The following MYO5C variants were observed in gnomAD, a reference collection of about 807,000 sequenced individuals.
MYO5C encodes unconventional myosin-Vc.
A neutral mutation model predicts 235.7 loss-of-function variants in MYO5C; 194 were observed. That is an observed-to-expected ratio of 0.82 (90% CI 0.73 to 0.93). The LOEUF (loss-of-function observed/expected upper bound fraction) is 0.93. Among genes scored for constraint, MYO5C ranks in the 40% least tolerant of loss-of-function variants. MYO5C has a pLI of 0.00. For synonymous variants in MYO5C, 707 were observed against 754.8 expected (o/e 0.94, Z 1.04); for missense variants, 2,038 against 2,127.2 (o/e 0.96, Z 0.82).
intron 9 of MYO5C, among the ~76,000 whole-genome samples, chr15:52,262,421 A>G (rs1222031238): frequency 6.6e-6 from 1 of 152,174 alleles, no homozygotes; most frequent in Non-Finnish European, 1.5e-5. Flanking sequence ...TAGAAATCAC[A>G]TTTTTAATCT....
chr15:52,272,770 T>C, intron 5 of MYO5C, 47 bp from the exon 6 acceptor site: 1 of 1,595,798 alleles, frequency 6.3e-7, no homozygotes, highest in South Asian at 1.1e-5. Context: ...AAAAGATTTT[T>C]GCCTCAAAAT....
At position 52,194,004 on chromosome 15, in the gene MYO5C, T is replaced by G. The variant is rs375234011; in HGVS notation, c.5127A>C (p.Lys1709Asn). The change falls in exon 41 of 41, where the codon AAA becomes AAC. Residue 1709 changes from lysine (K) to asparagine (N), a missense_variant. Coordinates refer to ENST00000261839, the MANE Select transcript of MYO5C (RefSeq NM_018728.4). ...EDSSQLMLDT[K>N]YLFQVTFPFT... is the part of the protein sequence containing the mutation. The stretch of plus-strand genomic sequence containing the variant: ...AAGGAAATGTGACTTGAAAGAGATA[T>G]TTGGTATCCAACATCAGCTGTGATG... 1 of 1,613,810 alleles carries G rather than the reference T, an allele frequency of 6.2e-7. No homozygotes were observed. Among genetic ancestry groups the G allele is most frequent in the Non-Finnish European group, 8.5e-7 (1 of 1,179,840 alleles).
chr15:52,235,913 G>GT (rs1324937711), intron 22 of MYO5C, 150 bp from the exon 23 acceptor site: 10 of 572,274 alleles, frequency 1.7e-5, no homozygotes, highest in Non-Finnish European at 3.1e-5. Context: ...ACCAGCCACT[G>GT]TAAGACGCTG....
In MYO5C at chr15:52,261,061, A is replaced by G; in HGVS notation, c.1114T>C (p.Trp372Arg). 6.2e-7 allele frequency: 1 copy of G among 1,614,192 alleles called. No homozygotes were observed. Among genetic ancestry groups the G allele is most frequent in the Non-Finnish European group, 8.5e-7 (1 of 1,180,028 alleles). Reference sequence around the variant, plus strand: ...GTGACGATTTTGCGATTGCACAGCCACTGAGCAACTCTGCCACTCTCCAGG... The same window carrying G: ...GTGACGATTTTGCGATTGCACAGCCGCTGAGCAACTCTGCCACTCTCCAGG... ...LGLESGRVAQ[W>R]LCNRKIVTSS... Residue 372 changes from tryptophan (W) to arginine (R), a missense_variant, in exon 10 of 41, where the codon TGG becomes CGG. Physicochemically the swap from Trp to Arg is moderately radical, Grantham distance 101. Coordinates refer to ENST00000261839, the MANE Select transcript of MYO5C (RefSeq NM_018728.4).
In MYO5C at chr15:52,248,307, A is replaced by C. The variant is rs149427995; in HGVS notation, c.1746+393T>G. Among the ~76,000 whole-genome samples the C allele has an allele frequency of 5.6e-3, 843 of 151,800 alleles. 5 individuals carry two copies. Among genetic ancestry groups the C allele is most frequent in the African/African-American group, 0.019 (805 of 41,406 alleles). ...TACAGGCATGTCACCATTCCCTGCT[A>C]ATGTTTTTTTATATTTTTAGAAGAG... On this transcript the variant is annotated intron_variant, in intron 14 of 40. Transcript: ENST00000261839.
chr15:52,278,732 G>A (rs1392615247), intron 4 of MYO5C, 141 bp downstream of exon 4: 1 of 955,544 alleles, frequency 1.0e-6, no homozygotes, highest in East Asian at 2.5e-5. Flanking sequence ...TTCATTCCAG[G>A]TAGTCGGCTC....
rs536835000 is a variant in MYO5C at position 52,288,632 on chromosome 15, G to A, written c.28-5740C>T. 5.9e-5 allele frequency among the ~76,000 whole-genome samples: 9 copies of A among 152,308 alleles called. No individual in the cohort carries two copies. The South Asian group carries it at 1.9e-3, about 32-fold the overall frequency. On this transcript the variant is annotated intron_variant, in intron 1 of 40. Transcript: ENST00000261839. ...ACCCACAAAGCAATGCTTCAAACTG[G>A]AGGAAGAGTTAACTTTACAGCATTC...
In MYO5C at chr15:52,246,954, G is replaced by T; in HGVS notation, c.1942C>A (p.Arg648=). The change falls in exon 16 of 41, where the codon CGA becomes AGA. Residue 648 remains arginine (R), a synonymous_variant. Transcript: ENST00000261839. ...TLNATTPHYV[R]CIKPNDEKLP... is the part of the protein sequence containing the mutation. ...TTCTCATCATTTGGCTTGATGCATCGAACGTAGTGGGGCGTCGTCGCATTG... is the reference window on the plus strand; with the variant it reads ...TTCTCATCATTTGGCTTGATGCATCTAACGTAGTGGGGCGTCGTCGCATTG... The T allele has an allele frequency of 6.2e-7, 1 of 1,614,032 alleles. No individual in the cohort carries two copies. The highest frequency in any genetic ancestry group is 8.5e-7 in the Non-Finnish European group (1 of 1,179,968).
intron 20 of MYO5C, among the ~76,000 whole-genome samples, chr15:52,241,719 C>T (rs561376699): frequency 2.8e-4 from 42 of 147,592 alleles, no homozygotes; most frequent in Non-Finnish European, 5.6e-4. Flanking sequence ...GAGAAACCAA[C>T]AGTGCAACTG....
chr15:52,276,658 A>C (rs937112375), intron 4 of MYO5C, among the ~76,000 whole-genome samples: 4 of 152,234 alleles, frequency 2.6e-5, no homozygotes, highest in Admixed American at 2.6e-4. Context: ...TAGCAGCCTC[A>C]GGCCTTATGT....
intron 20 of MYO5C, among the ~76,000 whole-genome samples, chr15:52,240,492 G>C (rs1295503906): frequency 7.4e-6 from 1 of 134,418 alleles, no homozygotes; most frequent in East Asian, 2.0e-4. Context: ...GATCCCTTTA[G>C]TCTAGGAGCT....
In MYO5C at chr15:52,239,877, C is replaced by A; in HGVS notation, c.2559G>T (p.Met853Ile). Residue 853 changes from methionine (M) to isoleucine (I), a missense_variant and splice_region_variant, in exon 21 of 41, where the codon ATG becomes ATT. Coordinates refer to ENST00000261839, the MANE Select transcript of MYO5C (RefSeq NM_018728.4). ...GGATCACAGCCTTATGTTCCTCCAG[C>A]ATCTTTAAAACAAGATTTTGTGAAA... ...GFLARRRYRK[M>I]LEEHKAVILQ... 3 of 1,604,682 alleles carry A rather than the reference C, an allele frequency of 1.9e-6. No homozygotes were observed. The South Asian group carries it at 3.4e-5, about 18-fold the overall frequency.
chr15:52,286,700 G>A (rs958522836), intron 1 of MYO5C, among the ~76,000 whole-genome samples: 1 of 151,908 alleles, frequency 6.6e-6, no homozygotes, highest in African/African-American at 2.4e-5. Context: ...ATGGATTAAG[G>A]GCGGTGCAAG....
intron 24 of MYO5C, among the ~76,000 whole-genome samples, chr15:52,231,306 G>A (rs2035945922): frequency 1.3e-5 from 2 of 152,060 alleles, no homozygotes; most frequent in Admixed American, 6.6e-5. Flanking sequence ...GGCAGAACAC[G>A]GGCCTAGAGA....
At chr15:52,234,581 C>T (rs2036035485) in intron 23 of MYO5C, among the ~76,000 whole-genome samples, 1 of 152,212 alleles carries the variant, frequency 6.6e-6, no homozygotes, top group Non-Finnish European at 1.5e-5. Flanking sequence ...TCAAGGTTTA[C>T]TCCCGGACCT....
rs778429672 is a variant in MYO5C at position 52,204,962 on chromosome 15, C to T, written c.4723G>A (p.Ala1575Thr). Reference protein sequence around the residue: ...NGLDPELVRQAVKQLFFLIGA... With the variant: ...NGLDPELVRQTVKQLFFLIGA... ...ATCAAGAAGAAGAGCTGCTTCACCGCCTGCCTCACAAGCTCGGGGTCCAGG... is the reference window on the plus strand; with the variant it reads ...ATCAAGAAGAAGAGCTGCTTCACCGTCTGCCTCACAAGCTCGGGGTCCAGG... The change falls in exon 38 of 41, where the codon GCG (alanine) becomes ACG (threonine). Residue 1575 changes from alanine (A) to threonine (T), a missense_variant. Physicochemically the swap from Ala to Thr is moderately conservative, Grantham distance 58. Coordinates refer to ENST00000261839, the MANE Select transcript of MYO5C (RefSeq NM_018728.4). The T allele has an allele frequency of 1.5e-5, 25 of 1,614,136 alleles. No individual in the cohort carries two copies. The highest frequency in any genetic ancestry group is 2.0e-5 in the Non-Finnish European group (24 of 1,180,064).
At chr15:52,232,717 C>G (rs776858408) in intron 23 of MYO5C, 32 bp from the exon 24 acceptor site, 1 of 1,581,490 alleles carries the variant, frequency 6.3e-7, no homozygotes, top group Non-Finnish European at 8.7e-7. Flanking sequence ...TGAGATATGT[C>G]TGCCAAATCA....
At chr15:52,246,126 C>G (rs1283682227) in intron 16 of MYO5C, 84 bp from the exon 17 acceptor site, 1 of 1,066,466 alleles carries the variant, frequency 9.4e-7, no homozygotes, top group African/African-American at 1.6e-5. Context: ...CCTGGCTAGA[C>G]TGTGACCCTA....
In MYO5C at chr15:52,260,909, C is replaced by T. The variant is rs1159348716; in HGVS notation, c.1266G>A (p.Gln422=). Residue 422 remains glutamine (Q), a synonymous_variant, in exon 10 of 41, where the codon CAG becomes CAA. Transcript: ENST00000261839. ...FIVERINQAL[Q]FSGKQHTFIG... ...TAAAAGTGTGCTGCTTGCCTGAAAA[C>T]TGCAACGCTTGGTTAATTCTCTCCA... 7 of 1,614,228 alleles carry T rather than the reference C, an allele frequency of 4.3e-6. No individual in the cohort carries two copies. The highest frequency in any genetic ancestry group is 5.9e-6 in the Non-Finnish European group (7 of 1,180,044).
Sources: gnomAD v4.1 joint callset for allele counts (sites outside exome capture counted in the v4.1 genomes callset) on GRCh38, gnomAD v4.1.1 for gene constraint, MANE v1.5 for transcripts, NCBI Gene and HGNC (gene_info 2026-07-23, HGNC 2026-07-21) for gene names.